Variants in LHFPL6 observed in about 807,000 individuals in gnomAD.
LHFPL6 encodes LHFPL tetraspan subfamily member 6 protein.
In LHFPL6, 9 loss-of-function variants were observed where a neutral mutation model predicts 20.6. The observed-to-expected ratio is 0.44, with a 90% confidence interval of 0.26 to 0.76. The LOEUF is 0.76. LHFPL6 is among the 30% of genes least tolerant of loss of function. The pLI, the probability that LHFPL6 is intolerant of heterozygous loss-of-function variation, is 0.20. For synonymous variants in LHFPL6, 105 were observed against 98.7 expected, an observed-to-expected ratio of 1.06 and a Z score of -0.38; for missense variants, 218 against 253.5, an observed-to-expected ratio of 0.86 and a Z score of 0.95.
intron 2 of LHFPL6, among the ~76,000 whole-genome samples, chr13:39,573,979 C>T (rs559483314): frequency 6.6e-6 from 1 of 152,180 alleles, no homozygotes; most frequent in African/African-American, 2.4e-5. Flanking sequence ...AAGTATCTCC[C>T]AACAGAAAGT....
intron 2 of LHFPL6, among the ~76,000 whole-genome samples, chr13:39,501,703 C>A (rs1869300261): frequency 6.6e-6 from 1 of 152,102 alleles, no homozygotes; most frequent in South Asian, 2.1e-4. Flanking sequence ...GTTTTCTCTC[C>A]ATTTACCCCA....
intron 2 of LHFPL6, among the ~76,000 whole-genome samples, chr13:39,425,181 C>T (rs1280947075): frequency 6.6e-6 from 1 of 152,180 alleles, no homozygotes; most frequent in Non-Finnish European, 1.5e-5. Context: ...CATATGTACT[C>T]TTCATCTGGC....
intron 2 of LHFPL6, among the ~76,000 whole-genome samples, chr13:39,505,297 G>C (rs756956269): frequency 1.6e-4 from 24 of 152,158 alleles, no homozygotes; most frequent in Non-Finnish European, 2.9e-5. Flanking sequence ...GTAGAAGACA[G>C]TTGTCAGTAG....
intron 2 of LHFPL6, among the ~76,000 whole-genome samples, chr13:39,429,395 A>G (rs1435428554): frequency 6.6e-6 from 1 of 152,156 alleles, no homozygotes; most frequent in Non-Finnish European, 1.5e-5. Flanking sequence ...ATAACAATCT[A>G]TTTTGTCAGC....
At chr13:39,563,091 AACACACACACAC>A (rs60324329) in intron 2 of LHFPL6, among the ~76,000 whole-genome samples, 18,597 of 135,786 alleles carry the variant, frequency 0.14, 3,003 homozygotes, top group African/African-American at 0.4. Flanking sequence ...CAATACTAGA[AACACACACACAC>A]ACACACACAC....
intron 2 of LHFPL6, among the ~76,000 whole-genome samples, chr13:39,491,303 G>A (rs1369006489): frequency 1.3e-5 from 2 of 152,174 alleles, no homozygotes; most frequent in Non-Finnish European, 2.9e-5. Flanking sequence ...AGGGAAAATA[G>A]CATTTCTGAC....
intron 2 of LHFPL6, among the ~76,000 whole-genome samples, chr13:39,561,584 T>A (rs571264098): frequency 6.6e-6 from 1 of 152,162 alleles, no homozygotes; most frequent in African/African-American, 2.4e-5. Context: ...TGCCTCAGCC[T>A]CCCAAGTAGC....
intron 3 of LHFPL6, among the ~76,000 whole-genome samples, chr13:39,377,730 T>A (rs567236543): frequency 6.6e-6 from 1 of 152,358 alleles, no homozygotes; most frequent in East Asian, 1.9e-4. Context: ...GAAAACTAAC[T>A]GAAATTTTCT....
rs533755574 is a variant in LHFPL6 at position 39,591,961 on chromosome 13, T to C, written c.385+8871A>G. On this transcript the variant is annotated intron_variant, in intron 2 of 3. Transcript: ENST00000379589. Reference sequence around the variant, plus strand: ...AAATACAAAAATTAGCCAGGCATGATGGCAGGCGCCTGTAATCCCAGTTAC... The same window carrying C: ...AAATACAAAAATTAGCCAGGCATGACGGCAGGCGCCTGTAATCCCAGTTAC... 2.6e-4 allele frequency among the ~76,000 whole-genome samples: 39 copies of C among 152,140 alleles called. 1 individual carries two copies. The highest frequency in any genetic ancestry group is 7.7e-4 in the African/African-American group (32 of 41,516).
chr13:39,498,381 A>G (rs1428811446), intron 2 of LHFPL6, among the ~76,000 whole-genome samples: 2 of 152,244 alleles, frequency 1.3e-5, no homozygotes, highest in Admixed American at 1.3e-4. Context: ...GACACAAGCT[A>G]ATCACATCCT....
intron 3 of LHFPL6, among the ~76,000 whole-genome samples, chr13:39,349,045 T>C (rs1869488430): frequency 6.6e-6 from 1 of 152,192 alleles, no homozygotes; most frequent in African/African-American, 2.4e-5. Context: ...CAGACATATA[T>C]GCAAGTTTGT....
chr13:39,500,932 C>T (rs1048765587), intron 2 of LHFPL6, among the ~76,000 whole-genome samples: 2 of 152,074 alleles, frequency 1.3e-5, no homozygotes, highest in African/African-American at 4.8e-5. Context: ...TAGGAAAACA[C>T]AGATTGCTGG....
intron 2 of LHFPL6, among the ~76,000 whole-genome samples, chr13:39,413,776 C>T (rs141701431): frequency 6.6e-6 from 1 of 152,262 alleles, no homozygotes; most frequent in African/African-American, 2.4e-5. Context: ...ACTTTACAAA[C>T]ATTAAAAAGA....
chr13:39,523,576 T>C (rs1870189250), intron 2 of LHFPL6, among the ~76,000 whole-genome samples: 1 of 147,910 alleles, frequency 6.8e-6, no homozygotes, highest in Admixed American at 6.7e-5. Context: ...AATGGTAGTG[T>C]AGGCTTAAGC....
chr13:39,512,389 T>TC (rs1869742285), intron 2 of LHFPL6, among the ~76,000 whole-genome samples: 2 of 151,572 alleles, frequency 1.3e-5, no homozygotes, highest in South Asian at 4.2e-4. Context: ...GATCACGAGG[T>TC]CAGGTGATCG....
chr13:39,400,452 T>A (rs1870955543), intron 2 of LHFPL6, among the ~76,000 whole-genome samples: 1 of 152,162 alleles, frequency 6.6e-6, no homozygotes, highest in Non-Finnish European at 1.5e-5. Flanking sequence ...GACAGTGCTG[T>A]GTTAGACAGA....
chr13:39,428,537 T>A (rs1005763502), intron 2 of LHFPL6, among the ~76,000 whole-genome samples: 1 of 152,206 alleles, frequency 6.6e-6, no homozygotes, highest in Non-Finnish European at 1.5e-5. Flanking sequence ...GCATCTTTAG[T>A]GATATCACCT....
chr13:39,590,927 G>A (rs562985307), intron 2 of LHFPL6, among the ~76,000 whole-genome samples: 2 of 152,300 alleles, frequency 1.3e-5, no homozygotes, highest in Admixed American at 1.3e-4. Flanking sequence ...GGCTACGGCT[G>A]TGTTTGCTGG....
chr13:39,408,931 C>G (rs112611048), intron 2 of LHFPL6, among the ~76,000 whole-genome samples: 2,879 of 152,200 alleles, frequency 0.019, 109 homozygotes, highest in African/African-American at 0.066. Context: ...TTTTCCAACC[C>G]AAAGCCACCT....
Sources: gnomAD v4.1 joint callset for allele counts (sites outside exome capture counted in the v4.1 genomes callset) on GRCh38, gnomAD v4.1.1 for gene constraint, MANE v1.5 for transcripts, NCBI Gene and HGNC (gene_info 2026-07-23, HGNC 2026-07-21) for gene names.